The following PRKG1 variants were observed in gnomAD, a reference collection of about 807,000 sequenced individuals.
PRKG1 encodes the protein cGMP-dependent protein kinase 1.
In PRKG1, 35 loss-of-function variants were observed where a neutral mutation model predicts 88.1. The ratio of observed to expected loss-of-function variants is 0.40; its 90% CI spans 0.30 to 0.53. The LOEUF is 0.53. PRKG1 is among the 20% of genes least tolerant of loss of function. The probability of loss-of-function intolerance (pLI) is 0.59; values close to 1 mark genes in which losing one functional copy is unlikely to be tolerated. For missense variants in PRKG1, 540 were observed against 839.8 expected (o/e 0.64, Z 4.41); for synonymous variants, 303 against 292.5 (o/e 1.04, Z -0.37).
At chr10:52,082,024 G>C (rs113576617) in intron 7 of PRKG1, among the ~76,000 whole-genome samples, 240 of 152,204 alleles carry the variant, frequency 1.6e-3, no homozygotes, top group African/African-American at 5.6e-3. Context: ...AGTTCTGCGT[G>C]GCTAGGGAAG....
intron 3 of PRKG1, among the ~76,000 whole-genome samples, chr10:51,700,872 TA>T (rs1446488133): frequency 1.3e-5 from 2 of 152,172 alleles, no homozygotes; most frequent in East Asian, 3.8e-4. Flanking sequence ...TTTGCAATAA[TA>T]AATTGTGTTC....
intron 1 of PRKG1, among the ~76,000 whole-genome samples, chr10:50,997,353 A>AT (rs1842846574): frequency 1.3e-5 from 2 of 152,172 alleles, no homozygotes; most frequent in African/African-American, 4.8e-5. Flanking sequence ...TGAATTACCA[A>AT]TATATGCACA....
At chr10:51,218,785 C>T (rs536682486) in intron 2 of PRKG1, among the ~76,000 whole-genome samples, 138 of 151,450 alleles carry the variant, frequency 9.1e-4, no homozygotes, top group Non-Finnish European at 1.3e-3. Context: ...TGATTGATAA[C>T]GGTTAGCCCA....
chr10:51,428,740 G>A (rs1213625235), intron 2 of PRKG1, among the ~76,000 whole-genome samples: 2 of 152,262 alleles, frequency 1.3e-5, no homozygotes, highest in East Asian at 3.9e-4. Context: ...TTGGTTTGGA[G>A]CAGAAAGTGA....
chr10:51,710,781 C>A (rs1841724914), intron 3 of PRKG1, among the ~76,000 whole-genome samples: 1 of 152,160 alleles, frequency 6.6e-6, no homozygotes. Context: ...AACTTGCTAA[C>A]CGGGGACAGT....
intron 1 of PRKG1, among the ~76,000 whole-genome samples, chr10:51,030,107 T>G (rs1268804260): frequency 6.6e-6 from 1 of 152,130 alleles, no homozygotes. Context: ...TGATGCTTCC[T>G]TCAGTAGATT....
chr10:51,379,132 G>T (rs1008112227), intron 2 of PRKG1, among the ~76,000 whole-genome samples: 1 of 152,062 alleles, frequency 6.6e-6, no homozygotes, highest in Admixed American at 6.6e-5. Context: ...ATTAAATGGG[G>T]ACATTATTAC....
At chr10:51,219,733 T>TA (rs1008277250) in intron 2 of PRKG1, among the ~76,000 whole-genome samples, 2 of 151,252 alleles carry the variant, frequency 1.3e-5, no homozygotes, top group African/African-American at 4.9e-5. Flanking sequence ...TAATAAAATT[T>TA]AAAAAAAAGG....
chr10:51,272,863 A>C (rs1840017767), intron 2 of PRKG1, among the ~76,000 whole-genome samples: 2 of 152,180 alleles, frequency 1.3e-5, no homozygotes, highest in South Asian at 2.1e-4. Flanking sequence ...ATGAACCAGA[A>C]GTCTTGGCTT....
rs558864146 is a variant in PRKG1, at chr10:50,992,110, G to C, written c.266+466G>C. Among the ~76,000 whole-genome samples the C allele has an allele frequency of 5.9e-5, 9 of 152,160 alleles. No individual in the cohort carries two copies. In the South Asian group the frequency reaches 1.9e-3, roughly 32 times the overall value. ...TCAGTGGGGCTGTCCGAGCCTCCTA[G>C]GGAGGGGCGACTGGAGGCTGGACAG... is the stretch of plus-strand genomic sequence containing the variant. On this transcript the variant is annotated intron_variant, in intron 1 of 17. Transcript: ENST00000401604.
intron 1 of PRKG1, among the ~76,000 whole-genome samples, chr10:51,133,372 C>A (rs1001201430): frequency 4.6e-4 from 70 of 152,270 alleles, no homozygotes; most frequent in African/African-American, 1.7e-3. Flanking sequence ...TTGATGATAA[C>A]CACCATCAGT....
At chr10:52,002,528 C>T (rs1037799764) in intron 5 of PRKG1, among the ~76,000 whole-genome samples, 4 of 151,974 alleles carry the variant, frequency 2.6e-5, no homozygotes, top group Non-Finnish European at 4.4e-5. Flanking sequence ...GTGCTGTTGA[C>T]GTAGAATAAA....
At chr10:51,202,738 G>A (rs766806225) in intron 2 of PRKG1, among the ~76,000 whole-genome samples, 10 of 152,202 alleles carry the variant, frequency 6.6e-5, no homozygotes, top group South Asian at 2.1e-4. Context: ...TTTGAGATTC[G>A]TTTGAGAATT....
intron 3 of PRKG1, among the ~76,000 whole-genome samples, chr10:51,725,570 G>A (rs756009264): frequency 2.0e-5 from 3 of 151,650 alleles, no homozygotes; most frequent in Non-Finnish European, 4.4e-5. Context: ...GGGAAGATTC[G>A]ATAGAGCATG....
chr10:51,554,636 T>G (rs1232233324), intron 3 of PRKG1, among the ~76,000 whole-genome samples: 1 of 151,500 alleles, frequency 6.6e-6, no homozygotes, highest in Non-Finnish European at 1.5e-5. Context: ...TTCATTTAGT[T>G]CTGTAATCAC....
intron 3 of PRKG1, among the ~76,000 whole-genome samples, chr10:51,552,948 G>A (rs1303075021): frequency 6.6e-6 from 1 of 151,424 alleles, no homozygotes; most frequent in Non-Finnish European, 1.5e-5. Context: ...AATCTATTGA[G>A]GAAGATTGCA....
intron 4 of PRKG1, among the ~76,000 whole-genome samples, chr10:51,860,033 C>A (rs1840830287): frequency 6.6e-6 from 1 of 151,976 alleles, no homozygotes; most frequent in South Asian, 2.1e-4. Flanking sequence ...TCGTGTCATC[C>A]CTGTATTACT....
intron 5 of PRKG1, among the ~76,000 whole-genome samples, chr10:51,970,619 T>G (rs2133089146): frequency 6.7e-6 from 1 of 149,842 alleles, no homozygotes; most frequent in Admixed American, 6.7e-5. Context: ...TTTGTACTTA[T>G]GCTCACTGGT....
At chr10:52,211,783 A>C (rs926158232) in intron 9 of PRKG1, among the ~76,000 whole-genome samples, 3 of 151,948 alleles carry the variant, frequency 2.0e-5, no homozygotes, top group African/African-American at 7.2e-5. Flanking sequence ...GGAAAGTGGA[A>C]GATATGAATG....
Sources: allele counts gnomAD v4.1 joint callset (sites outside exome capture counted in the v4.1 genomes callset), GRCh38; gene constraint gnomAD v4.1.1; transcripts MANE v1.5; gene names NCBI Gene and HGNC (gene_info 2026-07-23, HGNC 2026-07-21).